Variants in NHSL1 observed in about 807,000 individuals in gnomAD.
The protein encoded by NHSL1 is NHS like 1.
NHSL1 carries 48 observed loss-of-function variants against 95.0 expected under a neutral mutation model. That is an observed-to-expected ratio of 0.51 (90% CI 0.40 to 0.64). The LOEUF (loss-of-function observed/expected upper bound fraction) is 0.64. Among genes scored for constraint, NHSL1 ranks in the 30% least tolerant of loss-of-function variants. The pLI, the probability that NHSL1 is intolerant of heterozygous loss-of-function variation, is 0.00. For synonymous variants in NHSL1, 783 were observed against 833.9 expected (o/e 0.94, Z 1.05); for missense variants, 1,971 against 2,077.7 (o/e 0.95, Z 1.00).
chr6:138,618,965 A>G (rs1206773644), intron 1 of NHSL1, among the ~76,000 whole-genome samples: 1 of 152,226 alleles, frequency 6.6e-6, no homozygotes, highest in Non-Finnish European at 1.5e-5. Context: ...TACCTGCTGC[A>G]GGAGTTCCTA....
At chr6:138,466,206 A>AT (rs755409821) in intron 3 of NHSL1, among the ~76,000 whole-genome samples, 3 of 151,194 alleles carry the variant, frequency 2.0e-5, no homozygotes, top group East Asian at 1.9e-4. Flanking sequence ...TGCCCAGCCA[A>AT]TTTTTTTTGT....
At chr6:138,644,859 T>C (rs879562819) in intron 1 of NHSL1, among the ~76,000 whole-genome samples, 1 of 152,244 alleles carries the variant, frequency 6.6e-6, no homozygotes, top group Non-Finnish European at 1.5e-5. Flanking sequence ...ATTGGTAGAA[T>C]ACTTACTATC....
chr6:138,595,011 A>G (rs958892621), intron 1 of NHSL1, among the ~76,000 whole-genome samples: 1 of 152,146 alleles, frequency 6.6e-6, no homozygotes, highest in Non-Finnish European at 1.5e-5. Context: ...ATTTCACTAT[A>G]TGTCTTGGAC....
At position 138,512,438 on chromosome 6, in the gene NHSL1, CTCT is replaced by C. The variant is rs1362146580; in HGVS notation, c.17-16070_17-16068del. ...TTCACTTCTTTGCTCAGTAACCTCCCTCTTCTTCTTCGTTAATACAATTCTAAC... is the reference window on the plus strand; with the variant it reads ...TTCACTTCTTTGCTCAGTAACCTCCCTCTTCTTCGTTAATACAATTCTAAC... On this transcript the variant is annotated intron_variant, in intron 1 of 4. Coordinates refer to the NHSL1 transcript ENST00000342260. The C allele has an allele frequency of 2.9e-5, 11 of 379,500 alleles. 1 individual carries two copies. The highest frequency in any genetic ancestry group is 1.6e-4 in the South Asian group (8 of 49,606). The allele number at this position is 379,500 out of a possible 1,614,324, so 23.5% of individuals were successfully genotyped here. A position where few individuals can be genotyped will look rare whatever the true frequency, so the allele number is the denominator to read the frequency against.
At chr6:138,463,911 G>A (rs1463134628) in intron 3 of NHSL1, among the ~76,000 whole-genome samples, 2 of 152,072 alleles carry the variant, frequency 1.3e-5, no homozygotes, top group Non-Finnish European at 2.9e-5. Context: ...TTCATAACAC[G>A]TATCACCACC....
chr6:138,557,988 T>C (rs889060847), intron 1 of NHSL1, among the ~76,000 whole-genome samples: 3 of 152,258 alleles, frequency 2.0e-5, no homozygotes, highest in East Asian at 3.8e-4. Context: ...TTCTGAAAGA[T>C]GAACGAGGCA....
At chr6:138,481,326 G>A (rs1381665576) in intron 2 of NHSL1, among the ~76,000 whole-genome samples, 1 of 152,054 alleles carries the variant, frequency 6.6e-6, no homozygotes, top group Non-Finnish European at 1.5e-5. Context: ...AAATTTGTTG[G>A]GCTTGGCAAT....
intron 1 of NHSL1, among the ~76,000 whole-genome samples, chr6:138,599,222 A>C (rs994633410): frequency 6.6e-6 from 1 of 152,224 alleles, no homozygotes; most frequent in Non-Finnish European, 1.5e-5. Context: ...CAATATAAAA[A>C]AATGTAAGGC....
intron 5 of NHSL1, 122 bp downstream of exon 5, chr6:138,441,861 G>A: frequency 1.1e-6 from 1 of 869,886 alleles, no homozygotes; most frequent in Non-Finnish European, 1.6e-6. Flanking sequence ...AAGGAAGCTG[G>A]CCCGTTGGGG....
chr6:138,465,525 T>C (rs1778302854), intron 3 of NHSL1, among the ~76,000 whole-genome samples: 1 of 152,154 alleles, frequency 6.6e-6, no homozygotes, highest in African/African-American at 2.4e-5. Flanking sequence ...ATTTCCTGAC[T>C]ATCCAAGTCA....
chr6:138,678,657 C>G (rs992086888), intron 1 of NHSL1, among the ~76,000 whole-genome samples: 3 of 152,204 alleles, frequency 2.0e-5, no homozygotes, highest in Non-Finnish European at 4.4e-5. Context: ...ATCATTTCAT[C>G]TCTATCACTG....
chr6:138,541,965 C>A (rs1461784745), intron 1 of NHSL1, among the ~76,000 whole-genome samples: 1 of 152,204 alleles, frequency 6.6e-6, no homozygotes, highest in South Asian at 2.1e-4. Flanking sequence ...ATGCGGTCCA[C>A]TGAATTGGGT....
intron 1 of NHSL1, among the ~76,000 whole-genome samples, chr6:138,525,649 G>T (rs183434219): frequency 7.2e-5 from 11 of 152,062 alleles, no homozygotes; most frequent in Admixed American, 7.2e-4. Context: ...AAATCAGGAC[G>T]TACTTTGTTG....
At chr6:138,682,064 C>T (rs1284486253) in intron 1 of NHSL1, among the ~76,000 whole-genome samples, 3 of 151,744 alleles carry the variant, frequency 2.0e-5, no homozygotes, top group Non-Finnish European at 4.4e-5. Context: ...TCACTGCAAC[C>T]TCCACCTCCC....
At chr6:138,673,434 T>C (rs1249685586) in intron 1 of NHSL1, among the ~76,000 whole-genome samples, 1 of 151,142 alleles carries the variant, frequency 6.6e-6, no homozygotes, top group African/African-American at 2.4e-5. Flanking sequence ...TTTTTACTTC[T>C]TCTATTTCTT....
intron 1 of NHSL1, among the ~76,000 whole-genome samples, chr6:138,659,454 G>A (rs1288796846): frequency 1.3e-5 from 2 of 152,092 alleles, no homozygotes; most frequent in Non-Finnish European, 2.9e-5. Context: ...AGCTGTGAAG[G>A]AGAATTAATA....
intron 1 of NHSL1, among the ~76,000 whole-genome samples, chr6:138,524,153 G>A (rs768339761): frequency 6.6e-6 from 1 of 152,134 alleles, no homozygotes; most frequent in Non-Finnish European, 1.5e-5. Flanking sequence ...TGAAGAATGA[G>A]CACTTACCTG....
At chr6:138,445,438 G>A (rs933849852) in intron 4 of NHSL1, among the ~76,000 whole-genome samples, 11 of 151,648 alleles carry the variant, frequency 7.3e-5, no homozygotes, top group African/African-American at 1.5e-4. Flanking sequence ...ATATGATCTC[G>A]GTAAATAAGA....
At chr6:138,489,825 GGA>G (rs1252989861) in intron 2 of NHSL1, among the ~76,000 whole-genome samples, 62 of 76,210 alleles carry the variant, frequency 8.1e-4, no homozygotes, top group African/African-American at 2.7e-3. Flanking sequence ...AGGGAGAGAG[GGA>G]GAGAGAGAGA....
Sources: gnomAD v4.1 joint callset for allele counts (sites outside exome capture counted in the v4.1 genomes callset) on GRCh38, gnomAD v4.1.1 for gene constraint, MANE v1.5 for transcripts, NCBI Gene and HGNC (gene_info 2026-07-23, HGNC 2026-07-21) for gene names.